The following PDE11A variants were observed in gnomAD, a reference collection of about 807,000 sequenced individuals.
PDE11A encodes dual 3',5'-cyclic-AMP and -GMP phosphodiesterase 11A.
Under a neutral mutation model 100.5 loss-of-function variants are expected in PDE11A, and 100 were observed. The ratio of observed to expected loss-of-function variants is 1.00; its 90% CI spans 0.85 to 1.18. The LOEUF is 1.18. Among genes scored for constraint, PDE11A ranks in the 50% most tolerant of loss-of-function variants. The probability of loss-of-function intolerance (pLI) is 0.00; values close to 1 mark genes in which losing one functional copy is unlikely to be tolerated. For missense variants in PDE11A, 1,141 were observed against 1,152.6 expected (o/e 0.99, Z 0.15); for synonymous variants, 381 against 420.8 (o/e 0.91, Z 1.16).
intron 4 of PDE11A, among the ~76,000 whole-genome samples, chr2:177,883,808 G>A (rs192641029): frequency 9.2e-5 from 14 of 152,262 alleles, no homozygotes; most frequent in African/African-American, 1.7e-4. Flanking sequence ...TAGGTCTGAG[G>A]TTACACAAGA....
At chr2:178,097,568 G>A (rs980354996) in intron 2 of PDE11A, among the ~76,000 whole-genome samples, 5 of 152,104 alleles carry the variant, frequency 3.3e-5, no homozygotes, top group African/African-American at 1.2e-4. Context: ...TGAGGATTAT[G>A]GGGATTATAA....
chr2:177,647,352 G>T (rs2080237144), intron 19 of PDE11A, among the ~76,000 whole-genome samples: 1 of 152,144 alleles, frequency 6.6e-6, no homozygotes, highest in Non-Finnish European at 1.5e-5. Flanking sequence ...GTCTGTGTGG[G>T]AATGGGTTTA....
chr2:178,032,471 G>A (rs183892773), intron 1 of PDE11A, among the ~76,000 whole-genome samples: 6 of 138,818 alleles, frequency 4.3e-5, no homozygotes, highest in African/African-American at 7.8e-5. Flanking sequence ...GCAACAGAGC[G>A]AGACCCCATC....
At chr2:177,699,324 C>T (rs762594813) in intron 14 of PDE11A, among the ~76,000 whole-genome samples, 1 of 152,124 alleles carries the variant, frequency 6.6e-6, no homozygotes, top group Non-Finnish European at 1.5e-5. Context: ...AGAAAAGGTA[C>T]AGTAAAAATA....
intron 4 of PDE11A, among the ~76,000 whole-genome samples, chr2:177,890,785 G>A (rs1381149571): frequency 6.6e-6 from 1 of 152,114 alleles, no homozygotes; most frequent in Non-Finnish European, 1.5e-5. Context: ...GAAGATACAA[G>A]AAAATATGAC....
chr2:177,691,761 G>A (rs1481325150), intron 15 of PDE11A, among the ~76,000 whole-genome samples: 2 of 151,968 alleles, frequency 1.3e-5, no homozygotes, highest in East Asian at 1.9e-4. Context: ...CTTCAGTCAC[G>A]CTCCCCACTC....
chr2:178,041,641 TG>T (rs758947682), intron 1 of PDE11A, among the ~76,000 whole-genome samples: 35 of 152,322 alleles, frequency 2.3e-4, no homozygotes, highest in Admixed American at 1.1e-3. Flanking sequence ...CACACACATA[TG>T]TTTTTTTTCC....
chr2:177,795,234 T>C (rs931476786), intron 9 of PDE11A, among the ~76,000 whole-genome samples: 1 of 152,054 alleles, frequency 6.6e-6, no homozygotes, highest in African/African-American at 2.4e-5. Flanking sequence ...GTGTTTAGGG[T>C]GGGACACACT....
At chr2:177,906,217 T>C (rs1317284013) in intron 2 of PDE11A, among the ~76,000 whole-genome samples, 2 of 151,710 alleles carry the variant, frequency 1.3e-5, no homozygotes, top group Admixed American at 1.3e-4. Context: ...AATGGTGCCC[T>C]AGGAAGAGGT....
chr2:178,042,172 C>T (rs1180894058), intron 1 of PDE11A, among the ~76,000 whole-genome samples: 3 of 152,026 alleles, frequency 2.0e-5, no homozygotes, highest in Non-Finnish European at 4.4e-5. Context: ...CTAAAGATAC[C>T]TACAATTAAA....
intron 2 of PDE11A, among the ~76,000 whole-genome samples, chr2:177,962,391 A>G (rs1350897715): frequency 1.3e-5 from 2 of 152,104 alleles, no homozygotes; most frequent in African/African-American, 4.8e-5. Flanking sequence ...GGTAAAATGA[A>G]AATACTCAAA....
chr2:178,105,662 T>A (rs1020033081), intron 1 of PDE11A: 9 of 680,772 alleles, frequency 1.3e-5, no homozygotes, highest in African/African-American at 1.9e-5. Flanking sequence ...TTCTCCATGG[T>A]GGTACAGGAT....
At chr2:177,857,133 A>G (rs74985492) in intron 5 of PDE11A, among the ~76,000 whole-genome samples, 1,689 of 152,086 alleles carry the variant, frequency 0.011, 32 homozygotes, top group African/African-American at 0.038. Context: ...AGGCTAGAAA[A>G]CAGCTGAAAA....
intron 1 of PDE11A, among the ~76,000 whole-genome samples, chr2:178,106,647 A>G (rs2087620991): frequency 6.6e-6 from 1 of 152,082 alleles, no homozygotes; most frequent in African/African-American, 2.4e-5. Flanking sequence ...TTTATTTCCA[A>G]TTTTTATACA....
At chr2:178,038,067 T>C (rs551947733) in intron 1 of PDE11A, among the ~76,000 whole-genome samples, 12 of 152,098 alleles carry the variant, frequency 7.9e-5, no homozygotes, top group Non-Finnish European at 1.6e-4. Flanking sequence ...GGTTATAGAT[T>C]AGATACCCTT....
chr2:177,879,352 G>A (rs1466663881), intron 4 of PDE11A, among the ~76,000 whole-genome samples: 2 of 152,172 alleles, frequency 1.3e-5, no homozygotes, highest in African/African-American at 2.4e-5. Flanking sequence ...TCTTTTTGAT[G>A]AGTTAAACAA....
intron 5 of PDE11A, among the ~76,000 whole-genome samples, chr2:177,865,889 T>C (rs1007655924): frequency 6.6e-6 from 1 of 152,118 alleles, no homozygotes; most frequent in African/African-American, 2.4e-5. Flanking sequence ...GTAGAGTTTC[T>C]TTTTTGGAGT....
intron 19 of PDE11A, among the ~76,000 whole-genome samples, chr2:177,656,389 G>A (rs990078722): frequency 6.6e-6 from 1 of 152,206 alleles, no homozygotes; most frequent in Non-Finnish European, 1.5e-5. Context: ...GTATTAGGCT[G>A]TACAATATAG....
chr2:177,851,744 TTTTTAAC>T (rs1454326575), intron 5 of PDE11A, among the ~76,000 whole-genome samples: 1 of 152,142 alleles, frequency 6.6e-6, no homozygotes, highest in African/African-American at 2.4e-5. Context: ...AATGTCTTTT[TTTTTAAC>T]TTTTAAGTTC....
Sources: gnomAD v4.1 joint callset for allele counts (sites outside exome capture counted in the v4.1 genomes callset) on GRCh38, gnomAD v4.1.1 for gene constraint, MANE v1.5 for transcripts, NCBI Gene and HGNC (gene_info 2026-07-23, HGNC 2026-07-21) for gene names.